PRKAR1B: variants seen among roughly 807,000 people sequenced by gnomAD.
The protein encoded by PRKAR1B is protein kinase cAMP-dependent type I regulatory subunit beta.
A neutral mutation model predicts 46.5 loss-of-function variants in PRKAR1B; 22 were observed. That is an observed-to-expected ratio of 0.47 (90% CI 0.34 to 0.68). The LOEUF (loss-of-function observed/expected upper bound fraction) is 0.68. Ranked by LOEUF, PRKAR1B falls within the 30% of genes least tolerant of loss-of-function variation. PRKAR1B has a pLI of 0.01. For missense variants in PRKAR1B, 445 were observed against 535.6 expected (o/e 0.83, Z 1.67); for synonymous variants, 259 against 217.7 (o/e 1.19, Z -1.67).
chr7:579,772 G>C (rs751468018), intron 8 of PRKAR1B, among the ~76,000 whole-genome samples: 7 of 152,240 alleles, frequency 4.6e-5, no homozygotes, highest in Non-Finnish European at 1.0e-4. Flanking sequence ...TGGAGTCCCA[G>C]CTAAGCACAA....
intron 4 of PRKAR1B, among the ~76,000 whole-genome samples, chr7:664,073 G>C (rs1197733724): frequency 6.6e-6 from 1 of 152,148 alleles, no homozygotes; most frequent in African/African-American, 2.4e-5. Flanking sequence ...GCCAGGACCA[G>C]CTCGACGGTT....
At position 644,030 on chromosome 7, in the gene PRKAR1B, G is replaced by A. The variant is rs997876378; in HGVS notation, c.440+33199C>T. 5.3e-5 allele frequency among the ~76,000 whole-genome samples: 8 copies of A among 152,038 alleles called. No homozygotes were observed. Among genetic ancestry groups the A allele is most frequent in the Admixed American group, 1.3e-4 (2 of 15,258 alleles). On this transcript the variant is annotated intron_variant, in intron 4 of 10. Coordinates refer to ENST00000537384, the MANE Select transcript of PRKAR1B (RefSeq NM_001164760.2). This position sits in a 1 kb window ranked among gnomAD's most constrained non-coding sequence, Gnocchi z 4.9. The stretch of plus-strand genomic sequence containing the variant: ...AAACCCGTGAGCATGATGAAATGCC[G>A]GCTGCCCAGTGCTACGAAGCTAGGG...
intron 6 of PRKAR1B, among the ~76,000 whole-genome samples, chr7:598,299 C>T (rs1452762747): frequency 2.8e-5 from 4 of 141,122 alleles, no homozygotes; most frequent in Admixed American, 6.9e-5. Flanking sequence ...CTCCCTCCAG[C>T]ACCCTCCACA....
chr7:673,918 G>C (rs180983087), intron 4 of PRKAR1B, among the ~76,000 whole-genome samples: 1 of 152,166 alleles, frequency 6.6e-6, no homozygotes, highest in Non-Finnish European at 1.5e-5. Context: ...AGGTGGCTGC[G>C]GCCCTCCTCG....
At chr7:699,821 C>T (rs1779966676) in intron 2 of PRKAR1B, among the ~76,000 whole-genome samples, 1 of 152,066 alleles carries the variant, frequency 6.6e-6, no homozygotes, top group Non-Finnish European at 1.5e-5. Flanking sequence ...GTTAGGAGAG[C>T]ACTGGAAAGG....
At chr7:566,431 ATCACCATCACCACAACCATCATCACCAT>A (rs1779147602) in intron 9 of PRKAR1B, among the ~76,000 whole-genome samples, 1 of 151,348 alleles carries the variant, frequency 6.6e-6, no homozygotes, top group Non-Finnish European at 1.5e-5. Context: ...CATCACCACC[ATCACCATCACCACAACCATCATCACCAT>A]CTTCACCATG....
intron 2 of PRKAR1B, among the ~76,000 whole-genome samples, chr7:702,916 A>G (rs2128523334): frequency 6.6e-6 from 1 of 151,952 alleles, no homozygotes; most frequent in South Asian, 2.1e-4. Context: ...TACTACATAT[A>G]TAGTAATAAA....
intron 4 of PRKAR1B, among the ~76,000 whole-genome samples, chr7:616,464 G>C (rs548609646): frequency 1.3e-5 from 2 of 152,370 alleles, no homozygotes; most frequent in African/African-American, 4.8e-5. Context: ...CTGGGAAACA[G>C]TGATGGAGCC....
intron 1 of PRKAR1B, among the ~76,000 whole-genome samples, chr7:717,289 C>G (rs1780915703): frequency 7.1e-6 from 1 of 141,406 alleles, no homozygotes; most frequent in Admixed American, 7.1e-5. Context: ...AACCCAGTCT[C>G]AAAAAAAGAA....
At chr7:694,358 A>G (rs1779607979) in intron 2 of PRKAR1B, among the ~76,000 whole-genome samples, 1 of 142,606 alleles carries the variant, frequency 7.0e-6, no homozygotes, top group Admixed American at 6.7e-5. Flanking sequence ...CCCGGGACCA[A>G]GACACAAGCT....
At chr7:713,858 C>T (rs7797121) in intron 1 of PRKAR1B, among the ~76,000 whole-genome samples, 21,622 of 152,248 alleles carry the variant, frequency 0.14, 1,888 homozygotes, top group East Asian at 0.28. Flanking sequence ...GGGTCAAACA[C>T]GAAGGTCCTT....
At chr7:664,508 C>A (rs1328667655) in intron 4 of PRKAR1B, among the ~76,000 whole-genome samples, 1 of 152,202 alleles carries the variant, frequency 6.6e-6, no homozygotes, top group Non-Finnish European at 1.5e-5. Context: ...GCATCTCAGC[C>A]CCCAGGTCTG....
chr7:685,262 ATATATACGTATATATACG>A (rs1485330988), intron 2 of PRKAR1B, among the ~76,000 whole-genome samples: 35 of 17,196 alleles, frequency 2.0e-3, no homozygotes, highest in South Asian at 8.2e-3. Flanking sequence ...TTATATATAC[ATATATACGTATATATACG>A]TATATATATG....
intron 2 of PRKAR1B, among the ~76,000 whole-genome samples, chr7:702,114 T>C (rs1583440634): frequency 6.6e-6 from 1 of 152,260 alleles, no homozygotes; most frequent in East Asian, 1.9e-4. Context: ...GGAAGGTAAA[T>C]GGGCCTATGT....
At chr7:569,420 G>A (rs1253250526) in intron 9 of PRKAR1B, among the ~76,000 whole-genome samples, 1 of 152,238 alleles carries the variant, frequency 6.6e-6, no homozygotes, top group African/African-American at 2.4e-5. Flanking sequence ...GCCGGGTGCT[G>A]GGAAGCTCTC....
In PRKAR1B at chr7:666,589, GT is replaced by G. The variant is rs1317004978; in HGVS notation, c.440+10639del. Among the ~76,000 whole-genome samples the G allele has an allele frequency of 6.6e-6, 1 of 152,212 alleles. No homozygotes were observed. The highest frequency in any genetic ancestry group is 1.5e-5 in the Non-Finnish European group (1 of 68,022). On this transcript the variant is annotated intron_variant, in intron 4 of 10. Transcript: ENST00000537384. The surrounding 1 kb of genome is among the most constrained non-coding windows in gnomAD (Gnocchi z 4.9). ...CTCCAGCCCCAGCTGGACAATTGCTGTGTGGGTCAGTGCAACAGGCCAAGGC... is the reference window on the plus strand; with the variant it reads ...CTCCAGCCCCAGCTGGACAATTGCTGGTGGGTCAGTGCAACAGGCCAAGGC...
chr7:712,016 C>G (rs1284489902), intron 1 of PRKAR1B, among the ~76,000 whole-genome samples: 1 of 139,562 alleles, frequency 7.2e-6, no homozygotes, highest in East Asian at 2.1e-4. Context: ...GGCCTCTGCA[C>G]AGGAAAAGAC....
chr7:586,783 C>G (rs1166017226), intron 7 of PRKAR1B, among the ~76,000 whole-genome samples: 1 of 152,184 alleles, frequency 6.6e-6, no homozygotes, highest in Non-Finnish European at 1.5e-5. Flanking sequence ...ATAAACTCTT[C>G]TGAGTCCTGC....
chr7:707,965 C>A (rs1245868851), intron 2 of PRKAR1B, among the ~76,000 whole-genome samples: 1 of 151,748 alleles, frequency 6.6e-6, no homozygotes, highest in South Asian at 2.1e-4. Flanking sequence ...GGAGCCATCC[C>A]ACCACACCTT....
Sources: gnomAD v4.1 joint callset for allele counts (sites outside exome capture counted in the v4.1 genomes callset) on GRCh38, gnomAD v4.1.1 for gene constraint, Gnocchi (gnomAD v3.1) non-coding constraint, MANE v1.5 for transcripts, NCBI Gene and HGNC (gene_info 2026-07-23, HGNC 2026-07-21) for gene names.